FAT3: variants seen among roughly 807,000 people sequenced by gnomAD.
The protein encoded by FAT3 is FAT atypical cadherin 3.
A neutral mutation model predicts 310.2 loss-of-function variants in FAT3; 95 were observed. The observed-to-expected ratio is 0.31, with a 90% CI of 0.26 to 0.36. FAT3 has a LOEUF of 0.36. FAT3 is among the 10% of genes least tolerant of loss of function. FAT3 has a pLI of 1.00. For synonymous variants in FAT3, 2,314 were observed against 2,192.9 expected (o/e 1.06, Z -1.54); for missense variants, 5,408 against 5,715.6 (o/e 0.95, Z 1.74).
chr11:92,493,413 A>ACC (rs1952663549), intron 2 of FAT3, among the ~76,000 whole-genome samples: 1 of 151,948 alleles, frequency 6.6e-6, no homozygotes, highest in Non-Finnish European at 1.5e-5. Flanking sequence ...CCTGGACTGA[A>ACC]CTCTGCCTAG....
At chr11:92,579,029 T>C (rs904731033) in intron 3 of FAT3, among the ~76,000 whole-genome samples, 1 of 152,110 alleles carries the variant, frequency 6.6e-6, no homozygotes, top group Non-Finnish European at 1.5e-5. Flanking sequence ...AGACAGTTCA[T>C]TATGAAAAAC....
intron 4 of FAT3, among the ~76,000 whole-genome samples, chr11:92,703,384 A>G (rs1442812903): frequency 6.6e-6 from 1 of 152,248 alleles, no homozygotes; most frequent in East Asian, 1.9e-4. Context: ...TTTAACTTCA[A>G]GAAAAATGGA....
chr11:92,237,405 T>C (rs1325772365), intron 1 of FAT3, among the ~76,000 whole-genome samples: 1 of 152,172 alleles, frequency 6.6e-6, no homozygotes, highest in East Asian at 1.9e-4. Flanking sequence ...CAGTTTCTAC[T>C]TGGTGACTCT....
In FAT3 at chr11:92,352,820, G is replaced by A. The variant is rs1179441922; in HGVS notation, c.708G>A (p.Arg236=). 1.2e-6 allele frequency: 2 copies of A among 1,613,780 alleles called. No individual in the cohort carries two copies. Among genetic ancestry groups the A allele is most frequent in the Non-Finnish European group, 8.5e-7 (1 of 1,179,890 alleles). The change falls in exon 2 of 28, where the codon CGG becomes CGA. Residue 236 remains arginine (R), a synonymous_variant. Transcript: ENST00000525166. The part of the protein sequence containing the change: ...RYDLEILAVD[R]GMKLYGNNGV... Reference sequence around the variant, plus strand: ...ATCTGGAAATTTTGGCTGTGGACCGGGGAATGAAACTGTATGGGAACAATG... The same window carrying A: ...ATCTGGAAATTTTGGCTGTGGACCGAGGAATGAAACTGTATGGGAACAATG...
At chr11:92,882,467 C>T (rs1272188689) in intron 23 of FAT3, among the ~76,000 whole-genome samples, 1 of 151,978 alleles carries the variant, frequency 6.6e-6, no homozygotes, top group African/African-American at 2.4e-5. Context: ...CTCTTCCTTT[C>T]CCCCAACCCA....
At chr11:92,426,737 A>G (rs191807732) in intron 2 of FAT3, among the ~76,000 whole-genome samples, 18 of 152,060 alleles carry the variant, frequency 1.2e-4, no homozygotes, top group African/African-American at 4.3e-4. Context: ...TGGTCTATAT[A>G]TCTGTTTTGG....
intron 13 of FAT3, among the ~76,000 whole-genome samples, chr11:92,830,428 C>T (rs1948215234): frequency 6.6e-6 from 1 of 152,174 alleles, no homozygotes; most frequent in Non-Finnish European, 1.5e-5. Context: ...GGAGAGCACC[C>T]TTGGACTAGA....
chr11:92,595,499 C>G (rs546210764), intron 3 of FAT3, among the ~76,000 whole-genome samples: 2 of 152,220 alleles, frequency 1.3e-5, no homozygotes, highest in African/African-American at 2.4e-5. Flanking sequence ...CTTTTCTTCC[C>G]GAACATTATG....
At chr11:92,465,154 T>C (rs1951729474) in intron 2 of FAT3, among the ~76,000 whole-genome samples, 1 of 152,130 alleles carries the variant, frequency 6.6e-6, no homozygotes. Flanking sequence ...ATTTGCAGTA[T>C]TACTGTGGAC....
intron 3 of FAT3, among the ~76,000 whole-genome samples, chr11:92,668,625 T>C (rs572103781): frequency 6.6e-6 from 1 of 152,328 alleles, no homozygotes; most frequent in Non-Finnish European, 1.5e-5. Flanking sequence ...TTTCATTATT[T>C]GTAAAATGAA....
At chr11:92,426,319 A>G (rs772212007) in intron 2 of FAT3, among the ~76,000 whole-genome samples, 11 of 152,240 alleles carry the variant, frequency 7.2e-5, no homozygotes, top group South Asian at 4.2e-4. Flanking sequence ...ATGTTCTCCA[A>G]TTATGTAGGT....
Position 92,844,622 on chromosome 11 carries a change from A to G in FAT3, c.11255A>G (p.His3752Arg), listed in dbSNP as rs367993093. Reference sequence around the variant, plus strand: ...TCAGGGCTGGACTGTCAGGAACAGCATTGTGAGCAAGGCTTGTCACTCGAT... The same window carrying G: ...TCAGGGCTGGACTGTCAGGAACAGCGTTGTGAGCAAGGCTTGTCACTCGAT... The part of the protein sequence containing the change: ...NCSGLDCQEQ[H>R]CEQGLSLDSH... Residue 3752 changes from histidine (H) to arginine (R), a missense_variant, in exon 19 of 28, where the codon CAT becomes CGT. This residue lies in a region of FAT3 where 4,588 missense variants were observed against 4,809.8 expected (regional missense o/e 0.95). Coordinates refer to ENST00000525166, the MANE Select transcript of FAT3 (RefSeq NM_001367949.2). 94 of 1,613,114 alleles carry G rather than the reference A, an allele frequency of 5.8e-5. No homozygotes were observed. Among genetic ancestry groups the G allele is most frequent in the Non-Finnish European group, 7.9e-5 (93 of 1,179,642 alleles).
At chr11:92,257,710 A>G (rs1193124010) in intron 1 of FAT3, among the ~76,000 whole-genome samples, 8 of 152,126 alleles carry the variant, frequency 5.3e-5, no homozygotes, top group Admixed American at 4.6e-4. Flanking sequence ...TCAGAATTAC[A>G]TAACTCGATT....
intron 3 of FAT3, among the ~76,000 whole-genome samples, chr11:92,667,638 A>T (rs1162863056): frequency 6.6e-6 from 1 of 152,074 alleles, no homozygotes; most frequent in Non-Finnish European, 1.5e-5. Flanking sequence ...CCGCCCAAAG[A>T]ATGTTGGCTC....
chr11:92,299,290 T>A (rs2134419616), intron 1 of FAT3, among the ~76,000 whole-genome samples: 1 of 152,202 alleles, frequency 6.6e-6, no homozygotes, highest in African/African-American at 2.4e-5. Flanking sequence ...CAAGATTTGC[T>A]TCCTGATGAC....
intron 1 of FAT3, among the ~76,000 whole-genome samples, chr11:92,301,181 C>CA (rs1176166160): frequency 6.6e-6 from 1 of 152,142 alleles, no homozygotes; most frequent in East Asian, 1.9e-4. Flanking sequence ...GGGCTACACT[C>CA]ACATAGGGGT....
At chr11:92,527,307 T>A (rs1024202685) in intron 3 of FAT3, among the ~76,000 whole-genome samples, 1 of 152,252 alleles carries the variant, frequency 6.6e-6, no homozygotes, top group Non-Finnish European at 1.5e-5. Flanking sequence ...TTAAATGTAG[T>A]TTTTAGTGAG....
In FAT3 at chr11:92,225,177, GC is replaced by G. The variant is rs1477980812; in HGVS notation, c.-18+4del. On this transcript the variant is annotated splice_donor_region_variant and intron_variant, in intron 1 of 27. Coordinates refer to ENST00000525166, the MANE Select transcript of FAT3 (RefSeq NM_001367949.2). ...GTGGATCGCCAGCGGAGGCAAGGGTGCGTGGGGATTTGTAGCGTGATGATTT... is the reference window on the plus strand; with the variant it reads ...GTGGATCGCCAGCGGAGGCAAGGGTGGTGGGGATTTGTAGCGTGATGATTT... Among the ~76,000 whole-genome samples, 1 of 152,196 alleles carries G rather than the reference GC, an allele frequency of 6.6e-6. No homozygotes were observed. The highest frequency in any genetic ancestry group is 2.4e-5 in the African/African-American group (1 of 41,466).
intron 3 of FAT3, among the ~76,000 whole-genome samples, chr11:92,539,031 C>G (rs1387914795): frequency 1.3e-5 from 2 of 152,062 alleles, no homozygotes; most frequent in African/African-American, 4.8e-5. Flanking sequence ...CCAATTTTAC[C>G]TCCCACCACT....
Sources: allele counts gnomAD v4.1 joint callset (sites outside exome capture counted in the v4.1 genomes callset), GRCh38; gene constraint gnomAD v4.1.1; regional missense constraint gnomAD v4.1.1; transcripts MANE v1.5; gene names NCBI Gene and HGNC (gene_info 2026-07-23, HGNC 2026-07-21).